ASXL3: variants seen among roughly 807,000 people sequenced by gnomAD.
The protein encoded by ASXL3 is putative Polycomb group protein ASXL3.
A neutral mutation model predicts 170.6 loss-of-function variants in ASXL3; 34 were observed. The ratio of observed to expected loss-of-function variants is 0.20; its 90% CI spans 0.15 to 0.27. ASXL3 has a LOEUF of 0.27. Among genes scored for constraint, ASXL3 ranks in the 10% least tolerant of loss-of-function variants. ASXL3 has a pLI of 1.00. For synonymous variants in ASXL3, 1,002 were observed against 989.1 expected (o/e 1.01, Z -0.24); for missense variants, 2,592 against 2,695.3 (o/e 0.96, Z 0.85).
chr18:33,715,400 G>A (rs945092920), intron 8 of ASXL3, among the ~76,000 whole-genome samples: 3 of 152,072 alleles, frequency 2.0e-5, no homozygotes, highest in Non-Finnish European at 4.4e-5. Context: ...AAAAATAGTA[G>A]GCTACACATT....
At chr18:33,654,632 T>C (rs1408020106) in intron 4 of ASXL3, among the ~76,000 whole-genome samples, 1 of 152,096 alleles carries the variant, frequency 6.6e-6, no homozygotes, top group Non-Finnish European at 1.5e-5. Context: ...GATTGCTTTA[T>C]TTCTGTGCAG....
chr18:33,582,935 CTTAAA>C (rs2081210107), intron 1 of ASXL3, among the ~76,000 whole-genome samples: 2 of 151,984 alleles, frequency 1.3e-5, no homozygotes, highest in Admixed American at 1.3e-4. Context: ...CACAGATTTC[CTTAAA>C]TTAATAGAGG....
chr18:33,711,237 T>A (rs1220891186), intron 8 of ASXL3, among the ~76,000 whole-genome samples: 1 of 152,204 alleles, frequency 6.6e-6, no homozygotes, highest in African/African-American at 2.4e-5. Context: ...AAACAGACAA[T>A]TTTTTATTTT....
intron 2 of ASXL3, among the ~76,000 whole-genome samples, chr18:33,632,815 A>G (rs1281521473): frequency 6.6e-6 from 1 of 152,132 alleles, no homozygotes; most frequent in Non-Finnish European, 1.5e-5. Context: ...GCTGAAATCT[A>G]TCTTTGTGCT....
At chr18:33,635,540 C>T (rs924312806) in intron 2 of ASXL3, among the ~76,000 whole-genome samples, 7 of 152,258 alleles carry the variant, frequency 4.6e-5, no homozygotes, top group Admixed American at 4.6e-4. Flanking sequence ...TATACTCTTT[C>T]CTTTTATTTC....
rs2067843044 is a variant in ASXL3, at chr18:33,749,037, T to A, written c.*2442T>A. The A allele has an allele frequency of 6.6e-6, 1 of 151,912 alleles. No homozygotes were observed. The highest frequency in any genetic ancestry group is 6.6e-5 in the Admixed American group (1 of 15,238). The allele number at this position is 151,912 out of a possible 1,614,324, so 9.4% of individuals were successfully genotyped here. On this transcript the variant is annotated 3_prime_UTR_variant, in exon 12 of 12. Transcript: ENST00000269197. ...AATCAGTTGTTGATAGTGCATGGAT[T>A]CTATCATCCAGGTCCGATTAGCATA...
chr18:33,680,642 G>A (rs369097007), intron 7 of ASXL3, among the ~76,000 whole-genome samples: 2 of 152,012 alleles, frequency 1.3e-5, no homozygotes, highest in East Asian at 3.9e-4. Flanking sequence ...TTAAATGAAT[G>A]TAGGTTCAAG....
At chr18:33,582,262 A>G (rs909847101) in intron 1 of ASXL3, among the ~76,000 whole-genome samples, 2 of 152,204 alleles carry the variant, frequency 1.3e-5, no homozygotes, top group African/African-American at 2.4e-5. Flanking sequence ...TCATTCTGTT[A>G]CTATAAATAC....
At chr18:33,595,240 T>G (rs1191078805) in intron 1 of ASXL3, among the ~76,000 whole-genome samples, 3 of 152,224 alleles carry the variant, frequency 2.0e-5, no homozygotes, top group African/African-American at 4.8e-5. Flanking sequence ...AATGTTTATT[T>G]TTTTAGATAT....
chr18:33,688,607 AATAG>A (rs1000547190), intron 8 of ASXL3, among the ~76,000 whole-genome samples: 78 of 152,326 alleles, frequency 5.1e-4, no homozygotes, highest in African/African-American at 1.7e-3. Context: ...AGAGACAGAA[AATAG>A]ATAGAAAATA....
In ASXL3 at chr18:33,746,356, G is replaced by A. The variant is rs1440980467; in HGVS notation, c.6508G>A (p.Ala2170Thr). Residue 2170 changes from alanine to threonine, a missense_variant, in exon 12 of 12, where the codon GCA (alanine) becomes ACA (threonine). Physicochemically the swap from Ala to Thr is moderately conservative, Grantham distance 58 (BLOSUM62 0). This residue lies in a region of ASXL3 where 2,246 missense variants were observed against 2,219.6 expected (regional missense o/e 1.01). Coordinates refer to ENST00000269197, the MANE Select transcript of ASXL3 (RefSeq NM_030632.3). ...CACGAGTTTCAAAAGGGCAGCATCT[G>A]CAATTGAAAAGTCCATTGGGATTTT... ...GSTSFKRAAS[A>T]IEKSIGILGS... is the part of the protein sequence containing the mutation. 3 of 1,613,856 alleles carry A rather than the reference G, an allele frequency of 1.9e-6. No homozygotes were observed. The highest frequency in any genetic ancestry group is 4.5e-5 in the East Asian group (2 of 44,876).
chr18:33,641,141 G>A (rs544655323), intron 2 of ASXL3, among the ~76,000 whole-genome samples: 3 of 152,156 alleles, frequency 2.0e-5, no homozygotes, highest in Admixed American at 2.0e-4. Context: ...TAATAGATAG[G>A]CCTTTCATTC....
At chr18:33,636,954 TG>T (rs1242186000) in intron 2 of ASXL3, among the ~76,000 whole-genome samples, 67 of 152,276 alleles carry the variant, frequency 4.4e-4, no homozygotes, top group Non-Finnish European at 9.4e-4. Flanking sequence ...TTTTCAGATT[TG>T]GGCTACTCAA....
intron 2 of ASXL3, among the ~76,000 whole-genome samples, chr18:33,633,394 A>G (rs921873781): frequency 2.0e-5 from 3 of 152,146 alleles, no homozygotes; most frequent in African/African-American, 7.2e-5. Flanking sequence ...TATTTTATAG[A>G]CTCTTAAGAA....
rs1287273267 is a variant in ASXL3 at position 33,748,032 on chromosome 18, C to T, written c.*1437C>T. The T allele has an allele frequency of 6.6e-6, 1 of 152,012 alleles. No individual in the cohort carries two copies. Among genetic ancestry groups the T allele is most frequent in the East Asian group, 1.9e-4 (1 of 5,156 alleles). The allele number at this position is 152,012 out of a possible 1,614,324, so 9.4% of individuals were successfully genotyped here. ...GAAAGAAAACAAAAACCAACCATGC[C>T]CATTTAACTTCAGATTACAGAGCAC... On this transcript the variant is annotated 3_prime_UTR_variant, in exon 12 of 12. Coordinates refer to ENST00000269197, the MANE Select transcript of ASXL3 (RefSeq NM_030632.3).
chr18:33,578,831 T>G (rs917101866), intron 1 of ASXL3, 146 bp downstream of exon 1: 1 of 429,566 alleles, frequency 2.3e-6, no homozygotes, highest in African/African-American at 2.2e-5. Flanking sequence ...TCTGCGGGAG[T>G]GGGCTCGCCC....
chr18:33,637,568 T>C (rs1205679797), intron 2 of ASXL3, among the ~76,000 whole-genome samples: 2 of 152,174 alleles, frequency 1.3e-5, no homozygotes, highest in Non-Finnish European at 2.9e-5. Flanking sequence ...CATTTTAGTA[T>C]GAAACTAACT....
At chr18:33,599,355 A>C (rs2065160440) in intron 1 of ASXL3, among the ~76,000 whole-genome samples, 1 of 152,172 alleles carries the variant, frequency 6.6e-6, no homozygotes, top group Admixed American at 6.6e-5. Flanking sequence ...GTGGTAGTAT[A>C]ATTAAATGAA....
chr18:33,744,069 G>A lies in ASXL3; in HGVS notation c.4221G>A (p.Leu1407=). ...ATTCTGTAGCGGTCACAGACTCTCT[G>A]GTTGCACACCCGACCGTCGCAATGT... ...CSDSVAVTDS[L]VAHPTVAMFT... Residue 1407 remains leucine (L), a synonymous_variant, in exon 12 of 12, where the codon CTG becomes CTA. Coordinates refer to ENST00000269197, the MANE Select transcript of ASXL3 (RefSeq NM_030632.3). 2 of 1,614,008 alleles carry A rather than the reference G, an allele frequency of 1.2e-6. No homozygotes were observed. Among genetic ancestry groups the A allele is most frequent in the Non-Finnish European group, 1.7e-6 (2 of 1,179,902 alleles).
Sources: gnomAD v4.1 joint callset for allele counts (sites outside exome capture counted in the v4.1 genomes callset) on GRCh38, gnomAD v4.1.1 for gene constraint, gnomAD v4.1.1 regional missense constraint, MANE v1.5 for transcripts, NCBI Gene and HGNC (gene_info 2026-07-23, HGNC 2026-07-21) for gene names.